ITGB8: variants seen among roughly 807,000 people sequenced by gnomAD.
The protein encoded by ITGB8 is integrin subunit beta 8, also known as integrin beta-8.
Under a neutral mutation model 89.5 loss-of-function variants are expected in ITGB8, and 30 were observed. The observed-to-expected ratio is 0.34, with a 90% CI of 0.25 to 0.45. The LOEUF is 0.45. ITGB8 is among the 20% of genes least tolerant of loss of function. ITGB8 has a pLI of 1.00. For synonymous variants in ITGB8, 335 were observed against 320.4 expected, an observed-to-expected ratio of 1.05 and a Z score of -0.49; for missense variants, 836 against 933.3, an observed-to-expected ratio of 0.90 and a Z score of 1.36.
chr7:20,381,890 T>C lies in ITGB8; in HGVS notation c.960+5T>C. 6.2e-7 allele frequency: 1 copy of C among 1,609,756 alleles called. No individual in the cohort carries two copies. Among genetic ancestry groups the C allele is most frequent in the Non-Finnish European group, 8.5e-7 (1 of 1,178,356 alleles). On this transcript the variant is annotated splice_donor_5th_base_variant and intron_variant, in intron 6 of 13. Transcript: ENST00000222573. ...TATGTCAAATCGACAACCATGGTAA[T>C]GCAGCAGTAACCGCTTAGTAGATAT...
intron 3 of ITGB8, among the ~76,000 whole-genome samples, chr7:20,378,172 C>G (rs80162149): frequency 0.019 from 2,926 of 152,192 alleles, 49 homozygotes; most frequent in Non-Finnish European, 0.028. Context: ...GGGGGACAAC[C>G]CAAGTCCTTG....
chr7:20,376,341 C>A (rs1786143984), intron 3 of ITGB8, among the ~76,000 whole-genome samples: 2 of 152,136 alleles, frequency 1.3e-5, no homozygotes, highest in Non-Finnish European at 2.9e-5. Flanking sequence ...TCACTCTAAG[C>A]CCATGTTTTG....
chr7:20,383,963 T>C (rs533615595), intron 6 of ITGB8, among the ~76,000 whole-genome samples: 39 of 152,314 alleles, frequency 2.6e-4, no homozygotes, highest in Non-Finnish European at 4.6e-4. Context: ...TAAAGGATTA[T>C]CTTCCTAAAA....
intron 4 of ITGB8, chr7:20,380,052 T>C (rs1244365817): frequency 6.6e-6 from 1 of 152,240 alleles, no homozygotes; most frequent in Non-Finnish European, 1.5e-5. Context: ...ACATTCCAAT[T>C]TACCGAAACA....
chr7:20,409,609 T>A lies in ITGB8; in HGVS notation c.2024-6T>A, dbSNP rs368595072. 7 of 1,589,974 alleles carry A rather than the reference T, an allele frequency of 4.4e-6. No homozygotes were observed. In the Admixed American group the frequency reaches 1.2e-4, roughly 28 times the overall value. ...TTAATCCATTTATTTGTTTGCTTCA[T>A]TACAGAATGTTTCTCCAGCCCAAGC... is the stretch of plus-strand genomic sequence containing the variant. On this transcript the variant is annotated splice_polypyrimidine_tract_variant and splice_region_variant and intron_variant, in intron 12 of 13. Coordinates refer to ENST00000222573, the MANE Select transcript of ITGB8 (RefSeq NM_002214.3).
At chr7:20,390,532 G>A (rs1400481297) in intron 6 of ITGB8, among the ~76,000 whole-genome samples, 1 of 151,942 alleles carries the variant, frequency 6.6e-6, no homozygotes, top group Non-Finnish European at 1.5e-5. Flanking sequence ...ACCACAAAGA[G>A]TGCCACAGTT....
At chr7:20,397,766 T>G (rs1430351495) in intron 8 of ITGB8, among the ~76,000 whole-genome samples, 2 of 152,222 alleles carry the variant, frequency 1.3e-5, no homozygotes, top group Non-Finnish European at 2.9e-5. Flanking sequence ...GAAAGTCTCT[T>G]GTTCTAAAGA....
intron 10 of ITGB8, among the ~76,000 whole-genome samples, 153 bp from the exon 11 acceptor site, chr7:20,404,475 C>A (rs1034270631): frequency 6.6e-6 from 1 of 152,208 alleles, no homozygotes; most frequent in Non-Finnish European, 1.5e-5. Context: ...AAATCCAGCA[C>A]TGTTTGTGTC....
intron 7 of ITGB8, among the ~76,000 whole-genome samples, chr7:20,392,476 T>C (rs186169014): frequency 2.6e-5 from 4 of 152,356 alleles, no homozygotes; most frequent in Non-Finnish European, 4.4e-5. Context: ...CTGAAAGCAC[T>C]ACTTTAATCG....
At chr7:20,393,378 T>C (rs1355782329) in intron 7 of ITGB8, among the ~76,000 whole-genome samples, 1 of 152,234 alleles carries the variant, frequency 6.6e-6, no homozygotes, top group Non-Finnish European at 1.5e-5. Flanking sequence ...TGCATGCCCC[T>C]GTAGTCACCT....
intron 1 of ITGB8, among the ~76,000 whole-genome samples, chr7:20,341,665 G>A (rs1277002710): frequency 2.6e-5 from 4 of 152,202 alleles, no homozygotes; most frequent in African/African-American, 9.7e-5. Flanking sequence ...ACTGAAGACA[G>A]CATAGCCAGC....
chr7:20,395,247 C>G (rs1787023121), intron 8 of ITGB8, among the ~76,000 whole-genome samples: 1 of 152,188 alleles, frequency 6.6e-6, no homozygotes, highest in Admixed American at 6.5e-5. Context: ...CCTTCTACAT[C>G]CAGTGCTCAG....
intron 7 of ITGB8, among the ~76,000 whole-genome samples, chr7:20,394,047 A>G (rs1259269895): frequency 1.3e-5 from 2 of 152,220 alleles, no homozygotes; most frequent in Admixed American, 1.3e-4. Flanking sequence ...GAGCTCAATA[A>G]AAGTCTAATA....
intron 5 of ITGB8, 114 bp from the exon 6 acceptor site, chr7:20,381,613 T>C (rs1786398368): frequency 1.4e-6 from 1 of 729,306 alleles, no homozygotes; most frequent in East Asian, 2.6e-5. Flanking sequence ...CCCACGCACA[T>C]CGTTCTAGCC....
At chr7:20,363,464 G>A (rs991460687) in intron 1 of ITGB8, among the ~76,000 whole-genome samples, 173 bp from the exon 2 acceptor site, 10 of 152,026 alleles carry the variant, frequency 6.6e-5, no homozygotes, top group Non-Finnish European at 8.8e-5. Flanking sequence ...ACAATGAGCC[G>A]GTCGACTCTT....
At chr7:20,369,704 A>G (rs2127950100) in intron 3 of ITGB8, among the ~76,000 whole-genome samples, 1 of 152,346 alleles carries the variant, frequency 6.6e-6, no homozygotes, top group East Asian at 1.9e-4. Context: ...AATGAATTAC[A>G]CTTTAGGCAG....
intron 7 of ITGB8, among the ~76,000 whole-genome samples, chr7:20,393,104 C>A (rs1786929590): frequency 6.6e-6 from 1 of 152,196 alleles, no homozygotes; most frequent in South Asian, 2.1e-4. Flanking sequence ...GGGTTTCTAA[C>A]AACCCAAATC....
At chr7:20,369,811 A>C (rs1785854151) in intron 3 of ITGB8, among the ~76,000 whole-genome samples, 1 of 152,190 alleles carries the variant, frequency 6.6e-6, no homozygotes, top group African/African-American at 2.4e-5. Flanking sequence ...ATAAATAAAT[A>C]TTAAATAACA....
In ITGB8 at chr7:20,404,628, G is replaced by A; in HGVS notation, c.1688G>A (p.Gly563Glu). The A allele has an allele frequency of 6.2e-7, 1 of 1,613,168 alleles. No individual in the cohort carries two copies. The highest frequency in any genetic ancestry group is 8.5e-7 in the Non-Finnish European group (1 of 1,179,508). Residue 563 changes from glycine (G) to glutamate (E), a missense_variant and splice_region_variant, in exon 11 of 14, where the codon GGG (glycine) becomes GAG (glutamate). Gly to Glu is a moderately conservative substitution (Grantham distance 98, BLOSUM62 -2). This residue lies in a region of ITGB8 where 422 missense variants were observed against 416.9 expected (regional missense o/e 1.01). Coordinates refer to ENST00000222573, the MANE Select transcript of ITGB8 (RefSeq NM_002214.3). ...AGGTCCTGCGGTGTCTTCCTCACAG[G>A]GCATGGAGAGTGTGAAGCAGGCAGA... The part of the protein sequence containing the change: ...CPYHHGNLCA[G>E]HGECEAGRCQ...
Sources: gnomAD v4.1 joint callset for allele counts (sites outside exome capture counted in the v4.1 genomes callset) on GRCh38, gnomAD v4.1.1 for gene constraint, gnomAD v4.1.1 regional missense constraint, MANE v1.5 for transcripts, NCBI Gene and HGNC (gene_info 2026-07-23, HGNC 2026-07-21) for gene names.